ABTB3: variants seen among roughly 807,000 people sequenced by gnomAD.
ABTB3 encodes ankyrin repeat- and BTB/POZ domain-containing protein 3.
At chr12:107,546,232 T>G in the ABTB3 span, among the ~76,000 whole-genome samples, 1 of 152,278 alleles carries the variant, frequency 6.6e-6, no homozygotes, top group South Asian at 2.1e-4. Flanking sequence ...CCACAAATAT[T>G]TGTAGAATGA....
chr12:107,406,938 C>CA, the ABTB3 span, among the ~76,000 whole-genome samples: 2 of 152,178 alleles, frequency 1.3e-5, no homozygotes, highest in Admixed American at 6.5e-5. Flanking sequence ...GCTCCGGAGC[C>CA]AGAGAAGCCT....
the ABTB3 span, among the ~76,000 whole-genome samples, chr12:107,452,427 C>T: frequency 2.8e-4 from 43 of 151,980 alleles, no homozygotes; most frequent in African/African-American, 1.0e-3. Flanking sequence ...AGGATGGTCT[C>T]GATCTCCTGA....
At chr12:107,464,252 T>C in the ABTB3 span, among the ~76,000 whole-genome samples, 1 of 137,622 alleles carries the variant, frequency 7.3e-6, no homozygotes, top group Non-Finnish European at 1.6e-5. Flanking sequence ...TGTGTGTGTG[T>C]GTGTGTGTAT....
At chr12:107,468,544 C>T in the ABTB3 span, among the ~76,000 whole-genome samples, 1 of 152,106 alleles carries the variant, frequency 6.6e-6, no homozygotes, top group South Asian at 2.1e-4. Context: ...CAAAGATCCA[C>T]TGTGGTTGAG....
At chr12:107,546,422 G>C in the ABTB3 span, among the ~76,000 whole-genome samples, 7 of 152,180 alleles carry the variant, frequency 4.6e-5, no homozygotes, top group Admixed American at 1.3e-4. Flanking sequence ...ACTGAGACTT[G>C]ACTAGCACTC....
the ABTB3 span, among the ~76,000 whole-genome samples, chr12:107,566,042 T>C: frequency 1.3e-5 from 2 of 152,180 alleles, no homozygotes; most frequent in South Asian, 4.2e-4. Flanking sequence ...ATCGGTAACA[T>C]CTAGACTGCG....
the ABTB3 span, among the ~76,000 whole-genome samples, chr12:107,611,074 CA>C: frequency 2.1e-4 from 32 of 152,204 alleles, no homozygotes; most frequent in African/African-American, 6.7e-4. Context: ...TTTTATTGAG[CA>C]ACACCAAGGA....
chr12:107,342,506 T>C, the ABTB3 span, among the ~76,000 whole-genome samples: 2 of 152,114 alleles, frequency 1.3e-5, no homozygotes, highest in African/African-American at 2.4e-5. Flanking sequence ...CTAGGGACCA[T>C]GGTCAACCTT....
At chr12:107,337,624 G>A in the ABTB3 span, among the ~76,000 whole-genome samples, 4 of 152,164 alleles carry the variant, frequency 2.6e-5, no homozygotes, top group East Asian at 7.7e-4. Context: ...GCCATGCAGT[G>A]GGGATGTAGG....
At chr12:107,581,411 T>C in the ABTB3 span, 3 of 937,270 alleles carry the variant, frequency 3.2e-6, no homozygotes, top group Non-Finnish European at 4.2e-6. Flanking sequence ...CCCGCACACC[T>C]CGGCGGCGCT....
the ABTB3 span, chr12:107,544,195 C>A: frequency 6.4e-7 from 1 of 1,556,784 alleles, no homozygotes; most frequent in Non-Finnish European, 8.8e-7. Flanking sequence ...CAGGGTGGGG[C>A]AAGTGTCCAG....
At chr12:107,404,481 C>A in the ABTB3 span, among the ~76,000 whole-genome samples, 1 of 152,092 alleles carries the variant, frequency 6.6e-6, no homozygotes, top group South Asian at 2.1e-4. Context: ...CTCTCGGGAC[C>A]CCCTCCTTGG....
chr12:107,578,379 T>C, the ABTB3 span, among the ~76,000 whole-genome samples: 2 of 140,326 alleles, frequency 1.4e-5, no homozygotes, highest in African/African-American at 2.8e-5. Flanking sequence ...TTTTCTTTCT[T>C]CTTCTTTTTT....
At chr12:107,542,587 C>G in the ABTB3 span, among the ~76,000 whole-genome samples, 1 of 152,118 alleles carries the variant, frequency 6.6e-6, no homozygotes, top group Admixed American at 6.5e-5. Context: ...TACATTTGAT[C>G]CTTGAACAAT....
the ABTB3 span, among the ~76,000 whole-genome samples, chr12:107,380,061 C>T: frequency 6.6e-5 from 10 of 152,166 alleles, no homozygotes; most frequent in Non-Finnish European, 2.9e-5. Flanking sequence ...TGCTGTGATT[C>T]GTCTGTGACC....
chr12:107,335,286 C>CAAAA, the ABTB3 span, among the ~76,000 whole-genome samples: 103 of 18,646 alleles, frequency 5.5e-3, 39 homozygotes, highest in South Asian at 0.024. Context: ...GACCTTGTCT[C>CAAAA]AAAAAAAAAA....
chr12:107,385,844 C>T, the ABTB3 span, among the ~76,000 whole-genome samples: 1 of 152,184 alleles, frequency 6.6e-6, no homozygotes, highest in Non-Finnish European at 1.5e-5. Flanking sequence ...TGAGAACAGC[C>T]CTGCCCCCAC....
At chr12:107,330,322 A>T in the ABTB3 span, among the ~76,000 whole-genome samples, 1 of 152,206 alleles carries the variant, frequency 6.6e-6, no homozygotes, top group South Asian at 2.1e-4. Context: ...TGTTGGCATT[A>T]GTTCAGAGAG....
the ABTB3 span, among the ~76,000 whole-genome samples, chr12:107,397,075 C>T: frequency 1.3e-5 from 2 of 152,230 alleles, no homozygotes; most frequent in Non-Finnish European, 2.9e-5. Flanking sequence ...CTCTCACAGG[C>T]AAGGTGTGGG....
Sources: gnomAD v4.1 joint callset for allele counts (sites outside exome capture counted in the v4.1 genomes callset) on GRCh38, gnomAD v4.1.1 for gene constraint, MANE v1.5 for transcripts, NCBI Gene and HGNC (gene_info 2026-07-23, HGNC 2026-07-21) for gene names.